RALGAPA1: variants seen among roughly 807,000 people sequenced by gnomAD.
RALGAPA1 encodes Ral GTPase activating protein catalytic subunit alpha 1, also known as ral GTPase-activating protein subunit alpha-1.
RALGAPA1 carries 52 observed loss-of-function variants against 269.6 expected under a neutral mutation model. The observed-to-expected ratio is 0.19, with a 90% CI of 0.15 to 0.24. RALGAPA1 has a LOEUF of 0.24. Among genes scored for constraint, RALGAPA1 ranks in the 10% least tolerant of loss-of-function variants. The probability of loss-of-function intolerance (pLI) is 1.00; values close to 1 mark genes in which losing one functional copy is unlikely to be tolerated. For synonymous variants in RALGAPA1, 817 were observed against 1,008.3 expected (o/e 0.81, Z 3.60); for missense variants, 1,917 against 3,013.9 (o/e 0.64, Z 8.52).
chr14:35,550,911 A>G (rs1161197296), intron 39 of RALGAPA1, among the ~76,000 whole-genome samples: 2 of 152,212 alleles, frequency 1.3e-5, no homozygotes, highest in African/African-American at 2.4e-5. Context: ...GAGTCTTAAC[A>G]TAAACAAGTA....
chr14:35,570,570 A>C (rs1300455950), intron 39 of RALGAPA1, 47 bp downstream of exon 39: 1 of 1,457,804 alleles, frequency 6.9e-7, no homozygotes, highest in Non-Finnish European at 9.2e-7. Flanking sequence ...TACCTTTGTG[A>C]GTAGACATAC....
intron 31 of RALGAPA1, among the ~76,000 whole-genome samples, chr14:35,647,723 C>T (rs1208420308): frequency 1.3e-5 from 2 of 150,124 alleles, no homozygotes; most frequent in Non-Finnish European, 3.0e-5. Context: ...GAGGTCCAGG[C>T]AGGTGGATCA....
At chr14:35,701,621 C>T (rs561140045) in intron 16 of RALGAPA1, among the ~76,000 whole-genome samples, 1 of 152,096 alleles carries the variant, frequency 6.6e-6, no homozygotes, top group South Asian at 2.1e-4. Context: ...CTTGAAGTAT[C>T]ATCTCACCTG....
chr14:35,627,019 A>C, intron 34 of RALGAPA1, 71 bp downstream of exon 34: 1 of 1,365,720 alleles, frequency 7.3e-7, no homozygotes, highest in Non-Finnish European at 9.7e-7. Flanking sequence ...AACAGAAAAT[A>C]AAATGCTTTA....
rs954629778 is a variant in RALGAPA1 at position 35,697,162 on chromosome 14, C to T, written c.2407+3000G>A. On this transcript the variant is annotated intron_variant, in intron 17 of 41. Coordinates refer to ENST00000680220, the MANE Select transcript of RALGAPA1 (RefSeq NM_001346249.2). ...CTTCCAAGAATCGCAGAGGCAAAGA[C>T]CAATCCAATAATTTAGATTTCTACA... Among the ~76,000 whole-genome samples the T allele has an allele frequency of 4.6e-5, 7 of 152,138 alleles. No homozygotes were observed. In the South Asian group the frequency reaches 6.2e-4, roughly 14 times the overall value.
Position 35,539,583 on chromosome 14 carries a change from T to C in RALGAPA1, c.*131A>G, listed in dbSNP as rs778883344. ...GAGCCAGAGGAACGACGCAGCTTCATGGACATGCGGCTTTTGCTAGTTCGA... is the reference window on the plus strand; with the variant it reads ...GAGCCAGAGGAACGACGCAGCTTCACGGACATGCGGCTTTTGCTAGTTCGA... On this transcript the variant is annotated 3_prime_UTR_variant, in exon 42 of 42. Transcript: ENST00000680220. 1.9e-6 allele frequency: 3 copies of C among 1,613,494 alleles called. No individual in the cohort carries two copies. The highest frequency in any genetic ancestry group is 1.3e-5 in the African/African-American group (1 of 74,904).
intron 16 of RALGAPA1, among the ~76,000 whole-genome samples, chr14:35,706,032 T>C (rs1050550468): frequency 2.6e-5 from 4 of 152,216 alleles, no homozygotes; most frequent in African/African-American, 9.7e-5. Flanking sequence ...TTGTATATTT[T>C]AGAACCAGTC....
chr14:35,549,377 G>A, intron 39 of RALGAPA1, 143 bp from the exon 40 acceptor site: 1 of 821,866 alleles, frequency 1.2e-6, no homozygotes, highest in Non-Finnish European at 1.7e-6. Flanking sequence ...ATTGTTAACA[G>A]TATGGCTTTT....
At chr14:35,574,186 C>G (rs980579882) in intron 37 of RALGAPA1, among the ~76,000 whole-genome samples, 3 of 152,124 alleles carry the variant, frequency 2.0e-5, no homozygotes, top group Admixed American at 1.3e-4. Context: ...TAAGGAAAGA[C>G]AAGACAACTG....
chr14:35,698,147 C>G (rs1447141263), intron 17 of RALGAPA1, among the ~76,000 whole-genome samples: 1 of 151,944 alleles, frequency 6.6e-6, no homozygotes, highest in African/African-American at 2.4e-5. Flanking sequence ...GGCATATTAC[C>G]CCAGATAGGG....
At chr14:35,630,363 C>T (rs1453889323) in intron 33 of RALGAPA1, among the ~76,000 whole-genome samples, 1 of 151,978 alleles carries the variant, frequency 6.6e-6, no homozygotes, top group East Asian at 1.9e-4. Context: ...TCTTGGCTCA[C>T]TGCAGCCTCT....
At chr14:35,583,553 A>G (rs2058085549) in intron 37 of RALGAPA1, among the ~76,000 whole-genome samples, 1 of 152,248 alleles carries the variant, frequency 6.6e-6, no homozygotes, top group Admixed American at 6.5e-5. Context: ...TGAAGCAATA[A>G]TAACAGAATT....
rs772869468 is a variant in RALGAPA1, at chr14:35,549,218, G to T, written c.7513C>A (p.Arg2505=). The change falls in exon 40 of 42, where the codon CGA becomes AGA. Residue 2505 remains arginine (R), a synonymous_variant. Transcript: ENST00000680220. Reference sequence around the variant, plus strand: ...TGCTGGACAATTGTTTGCAGGTATCGTGCTCTCTCCTCATAGCTGATTTCC... The same window carrying T: ...TGCTGGACAATTGTTTGCAGGTATCTTGCTCTCTCCTCATAGCTGATTTCC... ...LYQNFYEERA[R]YLQTIVQHHL... is the part of the protein sequence containing the mutation. 11 of 1,612,356 alleles carry T rather than the reference G, an allele frequency of 6.8e-6. No homozygotes were observed. In the East Asian group the frequency reaches 2.5e-4, roughly 36 times the overall value.
At chr14:35,598,515 G>A (rs1478315363) in intron 36 of RALGAPA1, among the ~76,000 whole-genome samples, 6 of 152,208 alleles carry the variant, frequency 3.9e-5, no homozygotes, top group African/African-American at 1.4e-4. Context: ...CGCCTCCTGG[G>A]TTCAAGCAAT....
At chr14:35,808,603 C>T (rs1398142240) in intron 1 of RALGAPA1, 127 bp downstream of exon 1, 10 of 963,182 alleles carry the variant, frequency 1.0e-5, no homozygotes, top group Non-Finnish European at 1.5e-5. Flanking sequence ...CCTCCCGCGT[C>T]TCCGCAGAGG....
chr14:35,611,413 A>G (rs2059925957), intron 35 of RALGAPA1, among the ~76,000 whole-genome samples: 1 of 151,990 alleles, frequency 6.6e-6, no homozygotes, highest in Non-Finnish European at 1.5e-5. Flanking sequence ...GAGGCAGGAG[A>G]ATCACTTGAA....
intron 35 of RALGAPA1, among the ~76,000 whole-genome samples, chr14:35,607,512 C>A (rs1040967332): frequency 1.3e-5 from 2 of 152,218 alleles, no homozygotes. Flanking sequence ...TCTCAATCTT[C>A]CCCATTCTAG....
chr14:35,794,748 A>C (rs1187395646), intron 1 of RALGAPA1, among the ~76,000 whole-genome samples: 2 of 152,174 alleles, frequency 1.3e-5, no homozygotes, highest in Non-Finnish European at 2.9e-5. Flanking sequence ...AGCCACTGTG[A>C]CCGGCCAATC....
chr14:35,642,286 T>C (rs2062083993), intron 31 of RALGAPA1, among the ~76,000 whole-genome samples: 2 of 151,998 alleles, frequency 1.3e-5, no homozygotes. Context: ...GCAAAGTAAA[T>C]GGTCAACAAA....
Sources: gnomAD v4.1 joint callset for allele counts (sites outside exome capture counted in the v4.1 genomes callset) on GRCh38, gnomAD v4.1.1 for gene constraint, MANE v1.5 for transcripts, NCBI Gene and HGNC (gene_info 2026-07-23, HGNC 2026-07-21) for gene names.